Variants in ZZEF1 observed in about 807,000 individuals in gnomAD.
ZZEF1 encodes zinc finger ZZ-type and EF-hand domain-containing protein 1.
Under a neutral mutation model 342.8 loss-of-function variants are expected in ZZEF1, and 157 were observed. The ratio of observed to expected loss-of-function variants is 0.46; its 90% CI spans 0.40 to 0.52. The LOEUF (loss-of-function observed/expected upper bound fraction) is 0.52, where lower values mean the gene tolerates loss of function less well. ZZEF1 is among the 20% of genes least tolerant of loss of function. The probability of loss-of-function intolerance (pLI) is 0.00; values close to 1 mark genes in which losing one functional copy is unlikely to be tolerated. For synonymous variants in ZZEF1, 1,505 were observed against 1,429.1 expected, an observed-to-expected ratio of 1.05 and a Z score of -1.20; for missense variants, 3,480 against 3,725.6, an observed-to-expected ratio of 0.93 and a Z score of 1.72.
At chr17:4,112,554 G>A in intron 5 of ZZEF1, 55 bp downstream of exon 5, 1 of 1,578,530 alleles carries the variant, frequency 6.3e-7, no homozygotes, top group Admixed American at 1.7e-5. Context: ...TCACTTCAAA[G>A]TAAAAAATAC....
rs79012370 is a variant in ZZEF1, at chr17:4,050,977, C to A, written c.5667G>T (p.Arg1889Ser). The change falls in exon 36 of 55, where the codon AGG (arginine) becomes AGT (serine). Residue 1889 changes from arginine (R) to serine (S), a missense_variant. Physicochemically the swap from Arg to Ser is moderately radical, Grantham distance 110. This residue lies in a region of ZZEF1 where 175 missense variants were observed against 254.6 expected (regional missense o/e 0.69). Transcript: ENST00000381638. ...MVTIRISDRQRLIQPYIHNYS... is the reference protein window; with the variant it reads ...MVTIRISDRQSLIQPYIHNYS... ...AGTTATGGATATATGGCTGGATGAGCCTCTGCCGGTCACTGATCCGAATGG... is the reference window on the plus strand; with the variant it reads ...AGTTATGGATATATGGCTGGATGAGACTCTGCCGGTCACTGATCCGAATGG... 6.2e-7 allele frequency: 1 copy of A among 1,614,194 alleles called. No homozygotes were observed. Among genetic ancestry groups the A allele is most frequent in the Non-Finnish European group, 8.5e-7 (1 of 1,180,036 alleles).
intron 37 of ZZEF1, among the ~76,000 whole-genome samples, chr17:4,048,017 T>C (rs2056962754): frequency 6.6e-6 from 1 of 152,034 alleles, no homozygotes; most frequent in South Asian, 2.1e-4. Context: ...TTAAGTCCAT[T>C]CTGACATAAA....
At chr17:4,099,952 G>A (rs1267871168) in intron 9 of ZZEF1, among the ~76,000 whole-genome samples, 3 of 152,040 alleles carry the variant, frequency 2.0e-5, no homozygotes, top group African/African-American at 7.2e-5. Context: ...AGATTTAAAG[G>A]ACTTAATAAA....
In ZZEF1 at chr17:4,074,309, G is replaced by T. The variant is rs2057566379; in HGVS notation, c.3526C>A (p.His1176Asn). 1.2e-6 allele frequency: 2 copies of T among 1,614,164 alleles called. No individual in the cohort carries two copies. The highest frequency in any genetic ancestry group is 1.7e-6 in the Non-Finnish European group (2 of 1,180,038). ...CATTCGTTGTGACTGCTGTCAGAGT[G>T]AAAGAGGAACTGCAACCGAGGACCG... ...KAGPRLQFLFHSDSSHNEWGY... is the reference protein window; with the variant it reads ...KAGPRLQFLFNSDSSHNEWGY... The change falls in exon 24 of 55, where the codon CAC becomes AAC. Residue 1176 changes from histidine (H) to asparagine (N), a missense_variant. Physicochemically the swap from His to Asn is moderately conservative, Grantham distance 68. This residue lies in a region of ZZEF1 where 1,528 missense variants were observed against 1,624.1 expected (regional missense o/e 0.94). Coordinates refer to ENST00000381638, the MANE Select transcript of ZZEF1 (RefSeq NM_015113.4).
At chr17:4,079,960 G>A (rs1039039503) in intron 18 of ZZEF1, among the ~76,000 whole-genome samples, 1 of 152,216 alleles carries the variant, frequency 6.6e-6, no homozygotes, top group African/African-American at 2.4e-5. Context: ...ATGTGGTTTG[G>A]ACTAGTCTAC....
rs777503518 is a variant in ZZEF1, at chr17:4,096,653, T to G, written c.1720A>C (p.Thr574Pro). 1.8e-5 allele frequency: 29 copies of G among 1,613,908 alleles called. No homozygotes were observed. The Admixed American group carries it at 4.0e-4, about 22-fold the overall frequency. Residue 574 changes from threonine to proline, a missense_variant, in exon 10 of 55, where the codon ACC becomes CCC. Transcript: ENST00000381638. ...ACTTGGAAGGCAGATTCAGTTCCGG[T>G]AGAAAAAATAGTGCTGGCTCTGGTT... is the stretch of plus-strand genomic sequence containing the variant. Reference protein sequence around the residue: ...GKTRASTIFSTGTESAFQVTQ... With the variant: ...GKTRASTIFSPGTESAFQVTQ...
At chr17:4,011,730 C>G (rs1041833613) in intron 52 of ZZEF1, among the ~76,000 whole-genome samples, 7 of 152,026 alleles carry the variant, frequency 4.6e-5, no homozygotes, top group African/African-American at 1.5e-4. Flanking sequence ...TCTCTTATGA[C>G]TTGAAAAATT....
At chr17:4,041,378 C>T (rs529951297) in intron 39 of ZZEF1, among the ~76,000 whole-genome samples, 2 of 152,028 alleles carry the variant, frequency 1.3e-5, no homozygotes, top group South Asian at 2.1e-4. Context: ...TAGAAGTTCA[C>T]GTAAAAATGC....
intron 3 of ZZEF1, 35 bp from the exon 4 acceptor site, chr17:4,114,505 C>T: frequency 7.1e-7 from 1 of 1,403,190 alleles, no homozygotes; most frequent in Admixed American, 2.7e-5. Context: ...ATATGACATC[C>T]CTTTCACAAA....
chr17:4,076,582 G>C (rs769500086), intron 21 of ZZEF1, 55 bp downstream of exon 21: 11 of 1,573,306 alleles, frequency 7.0e-6, no homozygotes, highest in Non-Finnish European at 1.7e-6. Context: ...CACTAAGTGT[G>C]TCCCATCACT....
chr17:4,018,299 C>T (rs915819226), intron 46 of ZZEF1, among the ~76,000 whole-genome samples: 4 of 151,694 alleles, frequency 2.6e-5, no homozygotes, highest in Admixed American at 6.6e-5. Context: ...TTAGAGATGA[C>T]GTGTTGGAGC....
intron 1 of ZZEF1, among the ~76,000 whole-genome samples, chr17:4,130,410 A>G (rs4790569): frequency 0.92 from 139,190 of 152,014 alleles, 65,012 homozygotes; most frequent in East Asian, 1. Flanking sequence ...CTGAGATCTC[A>G]CCCTTGCACT....
chr17:4,135,858 G>C (rs546648312), intron 1 of ZZEF1, among the ~76,000 whole-genome samples: 1 of 151,094 alleles, frequency 6.6e-6, no homozygotes, highest in Non-Finnish European at 1.5e-5. Context: ...CTCAGAACAA[G>C]TGCTTCTCAA....
chr17:4,009,335 A>G, intron 53 of ZZEF1: 1 of 582,884 alleles, frequency 1.7e-6, no homozygotes, highest in Admixed American at 3.0e-5. Context: ...TTTATTTTCC[A>G]AAACTCACTG....
chr17:4,086,249 A>C (rs1380242664), intron 15 of ZZEF1, among the ~76,000 whole-genome samples: 1 of 152,146 alleles, frequency 6.6e-6, no homozygotes, highest in Non-Finnish European at 1.5e-5. Flanking sequence ...CTAGTAGCTC[A>C]AAAGAGCATC....
chr17:4,086,559 C>A lies in ZZEF1; in HGVS notation c.2439G>T (p.Glu813Asp), dbSNP rs1420384649. The part of the protein sequence containing the change: ...VLQGDVLAAS[E>D]EEKAPIQSPK... ...GGCTTTGGATTGGAGCCTTTTCCTC[C>A]TCAGAAGCAGCCAGTACATCTCCCT... The change falls in exon 15 of 55, where the codon GAG becomes GAT. Residue 813 changes from glutamate to aspartate, a missense_variant. Glu to Asp is a conservative substitution (Grantham distance 45). This residue lies in a region of ZZEF1 where 1,528 missense variants were observed against 1,624.1 expected (regional missense o/e 0.94). Coordinates refer to ENST00000381638, the MANE Select transcript of ZZEF1 (RefSeq NM_015113.4). 2 of 1,614,180 alleles carry A rather than the reference C, an allele frequency of 1.2e-6. No individual in the cohort carries two copies. Among genetic ancestry groups the A allele is most frequent in the South Asian group, 2.2e-5 (2 of 91,088 alleles).
Position 4,104,613 on chromosome 17 carries a change from C to T in ZZEF1, c.1573+20G>A. 1 of 1,612,070 alleles carries T rather than the reference C, an allele frequency of 6.2e-7. No homozygotes were observed. Among genetic ancestry groups the T allele is most frequent in the Non-Finnish European group, 8.5e-7 (1 of 1,179,216 alleles). On this transcript the variant is annotated intron_variant, in intron 8 of 54. Transcript: ENST00000381638. ...TCCACTGTTGACATTTCTATCACCC[C>T]CATGTTTTACCATATTTACCATATT...
chr17:4,128,517 T>G (rs1360154123), intron 1 of ZZEF1, among the ~76,000 whole-genome samples: 1 of 150,902 alleles, frequency 6.6e-6, no homozygotes, highest in Non-Finnish European at 1.5e-5. Context: ...TGGAGTGCAG[T>G]TGCGTGATCT....
At chr17:4,131,784 A>G (rs574676161) in intron 1 of ZZEF1, among the ~76,000 whole-genome samples, 2 of 152,294 alleles carry the variant, frequency 1.3e-5, no homozygotes, top group South Asian at 4.1e-4. Flanking sequence ...GTCTCAAAAA[A>G]AAAGAAAAAC....
Sources: gnomAD v4.1 joint callset for allele counts (sites outside exome capture counted in the v4.1 genomes callset) on GRCh38, gnomAD v4.1.1 for gene constraint, gnomAD v4.1.1 regional missense constraint, MANE v1.5 for transcripts, NCBI Gene and HGNC (gene_info 2026-07-23, HGNC 2026-07-21) for gene names.